Variants in NVL observed in about 807,000 individuals in gnomAD.
The protein encoded by NVL is nuclear VCP like, also known as nuclear valosin-containing protein-like.
In NVL, 84 loss-of-function variants were observed where a neutral mutation model predicts 110.2. The observed-to-expected ratio is 0.76, with a 90% CI of 0.64 to 0.91. The LOEUF (loss-of-function observed/expected upper bound fraction) is 0.91. NVL is among the 40% of genes least tolerant of loss of function. NVL has a pLI of 0.00. For synonymous variants in NVL, 354 were observed against 361.1 expected, an observed-to-expected ratio of 0.98 and a Z score of 0.22; for missense variants, 882 against 1,035.9, an observed-to-expected ratio of 0.85 and a Z score of 2.04.
intron 19 of NVL, among the ~76,000 whole-genome samples, chr1:224,237,337 C>G (rs1660600720): frequency 6.6e-6 from 1 of 152,178 alleles, no homozygotes; most frequent in Non-Finnish European, 1.5e-5. Context: ...ACTCTAAGCT[C>G]AGTATATTCT....
intron 19 of NVL, among the ~76,000 whole-genome samples, 161 bp downstream of exon 19, chr1:224,250,048 GTAA>G (rs1489044251): frequency 2.0e-5 from 3 of 152,188 alleles, no homozygotes; most frequent in Admixed American, 2.0e-4. Context: ...TTATTTTAAA[GTAA>G]TAATCGAAGA....
chr1:224,294,243 A>G (rs1413126589), intron 12 of NVL, 24 bp downstream of exon 12: 1 of 1,613,662 alleles, frequency 6.2e-7, no homozygotes. Flanking sequence ...AGTGGCATAC[A>G]AACTTCATTC....
chr1:224,305,821 G>A (rs1387850889), intron 6 of NVL, among the ~76,000 whole-genome samples: 1 of 152,246 alleles, frequency 6.6e-6, no homozygotes. Context: ...GGGATTACAG[G>A]CGTGAGCCGC....
chr1:224,326,921 T>G (rs1671200137), intron 1 of NVL, among the ~76,000 whole-genome samples: 1 of 152,162 alleles, frequency 6.6e-6, no homozygotes, highest in Non-Finnish European at 1.5e-5. Flanking sequence ...ATCCCAACAC[T>G]TTGGGAGCCC....
At chr1:224,263,364 G>A (rs1664171095) in intron 18 of NVL, among the ~76,000 whole-genome samples, 1 of 152,204 alleles carries the variant, frequency 6.6e-6, no homozygotes, top group Non-Finnish European at 1.5e-5. Context: ...CTGGCACTTA[G>A]TAGGTGCTCC....
chr1:224,254,966 G>C (rs1663020072), intron 18 of NVL, among the ~76,000 whole-genome samples: 1 of 150,316 alleles, frequency 6.7e-6, no homozygotes. Flanking sequence ...TCAACTCCCA[G>C]GTTCAAGCGA....
chr1:224,235,880 C>T (rs1358916968), intron 20 of NVL, among the ~76,000 whole-genome samples: 1 of 150,958 alleles, frequency 6.6e-6, no homozygotes, highest in Non-Finnish European at 1.5e-5. Context: ...CTACAGTGAG[C>T]CATGATCATG....
chr1:224,244,348 C>T (rs1199032743), intron 19 of NVL, among the ~76,000 whole-genome samples: 2 of 151,444 alleles, frequency 1.3e-5, no homozygotes, highest in Non-Finnish European at 2.9e-5. Context: ...GCCTGGGCGA[C>T]AAGAGCAAAA....
intron 15 of NVL, 31 bp downstream of exon 15, chr1:224,285,991 GAAAT>G: frequency 6.8e-7 from 1 of 1,473,422 alleles, no homozygotes; most frequent in Non-Finnish European, 9.5e-7. Flanking sequence ...CTGATACTAA[GAAAT>G]AAATTACATG....
At chr1:224,253,473 G>A (rs545029688) in intron 18 of NVL, among the ~76,000 whole-genome samples, 30 of 151,674 alleles carry the variant, frequency 2.0e-4, no homozygotes, top group African/African-American at 5.8e-4. Flanking sequence ...AGTGGCTCAC[G>A]CCTGTAATCC....
chr1:224,265,450 G>A (rs1432094246), intron 18 of NVL, among the ~76,000 whole-genome samples: 2 of 152,262 alleles, frequency 1.3e-5, no homozygotes, highest in Middle Eastern at 3.4e-3. Flanking sequence ...GTTGCAAGGA[G>A]CTGAGATCAC....
At chr1:224,242,378 T>C (rs904590441) in intron 19 of NVL, among the ~76,000 whole-genome samples, 1 of 152,170 alleles carries the variant, frequency 6.6e-6, no homozygotes, top group African/African-American at 2.4e-5. Flanking sequence ...TTTCCTATAA[T>C]TCGTATTAAA....
At chr1:224,245,263 G>A (rs1661680930) in intron 19 of NVL, among the ~76,000 whole-genome samples, 1 of 152,198 alleles carries the variant, frequency 6.6e-6, no homozygotes. Context: ...TGGGCAGGAA[G>A]TCTGCCTTGT....
chr1:224,318,729 A>C (rs1414622642), intron 2 of NVL, among the ~76,000 whole-genome samples: 1 of 151,426 alleles, frequency 6.6e-6, no homozygotes, highest in South Asian at 2.1e-4. Flanking sequence ...CACTCCTGTA[A>C]TTCCAGAACT....
intron 18 of NVL, among the ~76,000 whole-genome samples, chr1:224,254,563 G>GTTTTTTTTTT (rs71572893): frequency 2.7e-5 from 1 of 36,746 alleles, no homozygotes; most frequent in Non-Finnish European, 9.2e-5. Flanking sequence ...CGGCTAATTT[G>GTTTTTTTTTT]TTTTTTTTGT....
intron 14 of NVL, among the ~76,000 whole-genome samples, chr1:224,286,499 C>T (rs1666889434): frequency 6.6e-6 from 1 of 152,180 alleles, no homozygotes; most frequent in African/African-American, 2.4e-5. Flanking sequence ...AGCCACTGCG[C>T]CCAGCTTCTC....
Position 224,289,695 on chromosome 1 carries a change from T to G in NVL, c.1364A>C (p.Gln455Pro), listed in dbSNP as rs779589900. Reference protein sequence around the residue: ...QTLCRKLRLPQAFDFCHLAHL... With the variant: ...QTLCRKLRLPPAFDFCHLAHL... ...TGCTAAGTGACAGAAATCAAAAGCTTGAGGAAGCCTCAGTTTTCTGCACAA... is the reference window on the plus strand; with the variant it reads ...TGCTAAGTGACAGAAATCAAAAGCTGGAGGAAGCCTCAGTTTTCTGCACAA... Residue 455 changes from glutamine to proline, a missense_variant, in exon 13 of 23, where the codon CAA becomes CCA. Transcript: ENST00000281701. 1 of 1,614,076 alleles carries G rather than the reference T, an allele frequency of 6.2e-7. No individual in the cohort carries two copies. The highest frequency in any genetic ancestry group is 8.5e-7 in the Non-Finnish European group (1 of 1,180,016).
At chr1:224,311,740 A>C in intron 5 of NVL, 60 bp downstream of exon 5, 14 of 1,243,448 alleles carry the variant, frequency 1.1e-5, no homozygotes, top group South Asian at 2.4e-5. Flanking sequence ...TTTTCAAGGG[A>C]GGTACCATAA....
At chr1:224,294,164 G>A in intron 12 of NVL, 103 bp downstream of exon 12, 14 of 1,224,916 alleles carry the variant, frequency 1.1e-5, no homozygotes, top group Non-Finnish European at 1.6e-5. Flanking sequence ...CAAAAAGAAA[G>A]AGAGAGAAAG....
Sources: gnomAD v4.1 joint callset for allele counts (sites outside exome capture counted in the v4.1 genomes callset) on GRCh38, gnomAD v4.1.1 for gene constraint, MANE v1.5 for transcripts, NCBI Gene and HGNC (gene_info 2026-07-23, HGNC 2026-07-21) for gene names.